The following SRD5A1 variants were observed in gnomAD, a reference collection of about 807,000 sequenced individuals.
The protein encoded by SRD5A1 is steroid 5 alpha-reductase 1, also known as 3-oxo-5-alpha-steroid 4-dehydrogenase 1.
A neutral mutation model predicts 28.2 loss-of-function variants in SRD5A1; 22 were observed. The ratio of observed to expected loss-of-function variants is 0.78; its 90% confidence interval spans 0.56 to 1.12. The LOEUF (loss-of-function observed/expected upper bound fraction) is 1.12, where lower values mean the gene tolerates loss of function less well. SRD5A1 is among the 50% of genes most tolerant of loss of function. The probability of loss-of-function intolerance (pLI) is 0.00; values close to 1 mark genes in which losing one functional copy is unlikely to be tolerated. For synonymous variants in SRD5A1, 151 were observed against 135.0 expected (o/e 1.12, Z -0.82); for missense variants, 300 against 346.7 (o/e 0.87, Z 1.07).
intron 2 of SRD5A1, among the ~76,000 whole-genome samples, chr5:6,654,724 T>A (rs1406135105): frequency 6.6e-6 from 1 of 152,250 alleles, no homozygotes; most frequent in Non-Finnish European, 1.5e-5. Context: ...TGAGCCACTA[T>A]GCCCAGCCAG....
At chr5:6,663,859 CA>C (rs11308252) in intron 4 of SRD5A1, among the ~76,000 whole-genome samples, 4,701 of 140,630 alleles carry the variant, frequency 0.033, 104 homozygotes, top group African/African-American at 0.058. Flanking sequence ...GACTCAGTCT[CA>C]AAAAAAAAAG....
In SRD5A1 at chr5:6,671,860, C is replaced by G. The variant is rs1338545854; in HGVS notation, c.*3592C>G. 1 of 152,240 alleles carries G rather than the reference C, an allele frequency of 6.6e-6. No homozygotes were observed. Among genetic ancestry groups the G allele is most frequent in the Non-Finnish European group, 1.5e-5 (1 of 68,072 alleles). The allele number at this position is 152,240 out of a possible 1,614,324, so 9.4% of individuals were successfully genotyped here. ...AGATATTCATCGACCTATTCCAGGT[C>G]CTCTCTCCACCACTGAGCCTCGTGG... On this transcript the variant is annotated 3_prime_UTR_variant, in exon 5 of 5. Transcript: ENST00000274192.
At chr5:6,642,597 G>A (rs1434749744) in intron 1 of SRD5A1, among the ~76,000 whole-genome samples, 1 of 152,186 alleles carries the variant, frequency 6.6e-6, no homozygotes, top group Non-Finnish European at 1.5e-5. Flanking sequence ...CTTGTGATTG[G>A]AACAATGGCA....
intron 1 of SRD5A1, among the ~76,000 whole-genome samples, chr5:6,649,850 G>C (rs1738620309): frequency 2.0e-5 from 3 of 152,068 alleles, no homozygotes; most frequent in Admixed American, 2.0e-4. Flanking sequence ...GATCTCGCTG[G>C]GAGCTGCAAG....
In SRD5A1 at chr5:6,642,188, T is replaced by C. The variant is rs148843634; in HGVS notation, c.293+8319T>C. Among the ~76,000 whole-genome samples, 57 of 147,252 alleles carry C rather than the reference T, an allele frequency of 3.9e-4. 1 individual carries two copies. Among genetic ancestry groups the C allele is most frequent in the African/African-American group, 1.4e-3 (54 of 38,920 alleles). The stretch of plus-strand genomic sequence containing the variant: ...TGGGATTCAAAGTTAGTGTTTCCTA[T>C]TATCAACATCTATTGTAAATGTTCC... On this transcript the variant is annotated intron_variant, in intron 1 of 4. Transcript: ENST00000274192.
At chr5:6,654,050 A>G (rs1163944110) in intron 2 of SRD5A1, among the ~76,000 whole-genome samples, 1 of 146,660 alleles carries the variant, frequency 6.8e-6, no homozygotes, top group Admixed American at 6.9e-5. Flanking sequence ...ATAAGCAAAT[A>G]ATAATAATAT....
intron 4 of SRD5A1, among the ~76,000 whole-genome samples, chr5:6,664,634 G>A (rs1739107596): frequency 6.6e-6 from 1 of 152,170 alleles, no homozygotes; most frequent in African/African-American, 2.4e-5. Context: ...TTAAACTCCT[G>A]GACTCAAGTA....
intron 1 of SRD5A1, among the ~76,000 whole-genome samples, chr5:6,644,629 C>T (rs1310380666): frequency 6.6e-6 from 1 of 152,126 alleles, no homozygotes; most frequent in Non-Finnish European, 1.5e-5. Flanking sequence ...CTGTCTTCTG[C>T]CATTAATTCT....
intron 1 of SRD5A1, among the ~76,000 whole-genome samples, chr5:6,644,607 G>A (rs906213083): frequency 2.0e-5 from 3 of 152,156 alleles, no homozygotes; most frequent in African/African-American, 7.2e-5. Flanking sequence ...GAGGGGTAGA[G>A]TGAGAGCCAC....
chr5:6,658,132 C>G (rs1738885983), intron 3 of SRD5A1, among the ~76,000 whole-genome samples: 2 of 152,080 alleles, frequency 1.3e-5, no homozygotes, highest in Non-Finnish European at 2.9e-5. Context: ...CGAGACCAAC[C>G]TGGCCAACAT....
At chr5:6,668,108 A>G in intron 4 of SRD5A1, 94 bp from the exon 5 acceptor site, 1 of 758,570 alleles carries the variant, frequency 1.3e-6, no homozygotes, top group Non-Finnish European at 2.1e-6. Context: ...AAAACTGAGT[A>G]CTCTTTTGTA....
chr5:6,652,262 C>A (rs1283543912), intron 2 of SRD5A1, among the ~76,000 whole-genome samples: 3 of 152,160 alleles, frequency 2.0e-5, no homozygotes, highest in Non-Finnish European at 4.4e-5. Flanking sequence ...GGCCAAGAAC[C>A]CAAAAATAGC....
intron 1 of SRD5A1, among the ~76,000 whole-genome samples, chr5:6,651,106 G>A (rs1035198666): frequency 1.3e-5 from 2 of 152,190 alleles, no homozygotes; most frequent in African/African-American, 4.8e-5. Context: ...GGGGAATTGG[G>A]GGTGGGGCTA....
chr5:6,660,006 C>T (rs1044089250), intron 3 of SRD5A1, among the ~76,000 whole-genome samples: 8 of 152,144 alleles, frequency 5.3e-5, no homozygotes, highest in African/African-American at 1.7e-4. Flanking sequence ...AGAAACGCTT[C>T]GCAGGACTCT....
intron 1 of SRD5A1, among the ~76,000 whole-genome samples, chr5:6,651,113 G>A (rs1165687622): frequency 1.3e-5 from 2 of 152,086 alleles, no homozygotes; most frequent in African/African-American, 4.8e-5. Context: ...TGGGGGTGGG[G>A]CTAGCAGGTG....
At chr5:6,655,355 C>G (rs78643246) in intron 2 of SRD5A1, among the ~76,000 whole-genome samples, 31 of 152,298 alleles carry the variant, frequency 2.0e-4, no homozygotes, top group African/African-American at 7.0e-4. Flanking sequence ...ACTAACAACT[C>G]TCCTTTAAGT....
At chr5:6,644,934 C>G (rs1366076543) in intron 1 of SRD5A1, 5 of 455,916 alleles carry the variant, frequency 1.1e-5, no homozygotes, top group South Asian at 7.7e-5. Flanking sequence ...ATTCGTTGTT[C>G]TTATTCATTG....
intron 4 of SRD5A1, among the ~76,000 whole-genome samples, chr5:6,664,068 A>G (rs1241444290): frequency 6.6e-6 from 1 of 152,094 alleles, no homozygotes. Flanking sequence ...GTCCCTGACA[A>G]TAAATGATGG....
In SRD5A1 at chr5:6,669,540, A is replaced by G. The variant is rs1273661442; in HGVS notation, c.*1272A>G. 6.6e-6 allele frequency: 1 copy of G among 152,240 alleles called. No homozygotes were observed. Among genetic ancestry groups the G allele is most frequent in the African/African-American group, 2.4e-5 (1 of 41,454 alleles). 9.4% of individuals were successfully genotyped at this position (152,240 alleles called of 1,614,324 possible). Reference sequence around the variant, plus strand: ...TTGTTTCAGTTGTCTTTAACAACATAATAAATAGACTTTGCCATTTAACAA... The same window carrying G: ...TTGTTTCAGTTGTCTTTAACAACATGATAAATAGACTTTGCCATTTAACAA... On this transcript the variant is annotated 3_prime_UTR_variant, in exon 5 of 5. Coordinates refer to ENST00000274192, the MANE Select transcript of SRD5A1 (RefSeq NM_001047.4).
Sources: allele counts gnomAD v4.1 joint callset (sites outside exome capture counted in the v4.1 genomes callset), GRCh38; gene constraint gnomAD v4.1.1; transcripts MANE v1.5; gene names NCBI Gene and HGNC (gene_info 2026-07-23, HGNC 2026-07-21).